CCR3: variants seen among roughly 807,000 people sequenced by gnomAD.
The protein encoded by CCR3 is C-C chemokine receptor type 3.
For missense variants in CCR3, 419 were observed against 437.5 expected (o/e 0.96, Z 0.38); for synonymous variants, 203 against 179.2 (o/e 1.13, Z -1.06).
intron 1 of CCR3, among the ~76,000 whole-genome samples, chr3:46,258,115 C>A (rs1257971737): frequency 6.6e-6 from 1 of 152,220 alleles, no homozygotes; most frequent in East Asian, 1.9e-4. Flanking sequence ...ACACAGTAAT[C>A]TCTGGAAACA....
chr3:46,261,930 T>C (rs1378974811), intron 1 of CCR3, among the ~76,000 whole-genome samples: 1 of 152,180 alleles, frequency 6.6e-6, no homozygotes, highest in Non-Finnish European at 1.5e-5. Flanking sequence ...CTCATGAGTA[T>C]ATTAGCTACA....
At chr3:46,212,537 TCCC>T in intron 2 of CCR3, among the ~76,000 whole-genome samples, 1 of 148,008 alleles carries the variant, frequency 6.8e-6, no homozygotes, top group South Asian at 2.2e-4. Context: ...TCTTTCCACC[TCCC>T]CTCCTCACTG....
Position 46,265,715 on chromosome 3 carries a change from T to A in CCR3, c.557T>A (p.Leu186His). The A allele has an allele frequency of 6.2e-7, 1 of 1,613,980 alleles. No individual in the cohort carries two copies. ...ELFEETLCSA[L>H]YPEDTVYSWR... Reference sequence around the variant, plus strand: ...TTTGAAGAGACTCTTTGCAGTGCTCTTTACCCAGAGGATACAGTATATAGC... The same window carrying A: ...TTTGAAGAGACTCTTTGCAGTGCTCATTACCCAGAGGATACAGTATATAGC... The change falls in exon 2 of 2, where the codon CTT (leucine) becomes CAT (histidine). Residue 186 changes from leucine to histidine, a missense_variant. Coordinates refer to ENST00000395940, the MANE Select transcript of CCR3 (RefSeq NM_178329.3).
chr3:46,259,011 T>C (rs1023168725), intron 1 of CCR3, among the ~76,000 whole-genome samples: 1 of 152,228 alleles, frequency 6.6e-6, no homozygotes, highest in Admixed American at 6.5e-5. Flanking sequence ...TGTTTCACTC[T>C]AATAGATTTT....
intron 2 of CCR3, among the ~76,000 whole-genome samples, chr3:46,230,429 C>T (rs1699949225): frequency 6.6e-6 from 1 of 152,074 alleles, no homozygotes; most frequent in African/African-American, 2.4e-5. Context: ...TATGTAACCC[C>T]TCATGCCACA....
chr3:46,221,781 C>T lies in CCR3; in HGVS notation c.-68+10874C>T, dbSNP rs74376125. On this transcript the variant is annotated intron_variant, in intron 2 of 3. Coordinates refer to the CCR3 transcript ENST00000357422. ...TTGTTGAAATGCACATTCACTTCTT[C>T]CAAAGGATCATCCTGTGTTCTTTTG... is the stretch of plus-strand genomic sequence containing the variant. 9.1e-3 allele frequency among the ~76,000 whole-genome samples: 1,384 copies of T among 152,302 alleles called. 14 individuals are homozygous for T. Among genetic ancestry groups the T allele is most frequent in the African/African-American group, 0.032 (1,309 of 41,554 alleles).
At chr3:46,218,034 T>A (rs1009526609) in intron 2 of CCR3, among the ~76,000 whole-genome samples, 1 of 150,832 alleles carries the variant, frequency 6.6e-6, no homozygotes, top group Non-Finnish European at 1.5e-5. Flanking sequence ...AAAAAGTTGG[T>A]TCTTTGAAAA....
At chr3:46,231,356 T>C (rs1176495285) in intron 2 of CCR3, among the ~76,000 whole-genome samples, 1 of 152,250 alleles carries the variant, frequency 6.6e-6, no homozygotes, top group East Asian at 1.9e-4. Flanking sequence ...CTGCAGTTTA[T>C]AGAAGGCTCC....
At position 46,220,923 on chromosome 3, in the gene CCR3, G is replaced by A. The variant is rs114966011; in HGVS notation, c.-68+10016G>A. Among the ~76,000 whole-genome samples the A allele has an allele frequency of 5.9e-3, 903 of 152,094 alleles. 12 individuals carry two copies. Among genetic ancestry groups the A allele is most frequent in the African/African-American group, 0.02 (833 of 41,482 alleles). ...CAGTGTACACTGCTTAGGTGATGGG[G>A]GTACCAAAATCTCAGAAATCACACC... On this transcript the variant is annotated intron_variant, in intron 2 of 3. Coordinates refer to the CCR3 transcript ENST00000357422.
upstream of CCR3, among the ~76,000 whole-genome samples, chr3:46,238,848 TATGGC>T (rs1195970058): frequency 1.3e-5 from 2 of 152,222 alleles, no homozygotes; most frequent in East Asian, 3.8e-4. Context: ...CAGGAGTAGA[TATGGC>T]ATGATGCCAT....
In CCR3 at chr3:46,256,681, CATAA is replaced by C. The variant is rs760941475; in HGVS notation, c.-11-8460_-11-8457del. ...AAATAAATAGTGTCAAAATTTTATT[CATAA>C]ATAAATTGCGTAAAAAATCACAATG... On this transcript the variant is annotated intron_variant, in intron 1 of 1. Coordinates refer to ENST00000395940, the MANE Select transcript of CCR3 (RefSeq NM_178329.3). 1.1e-4 allele frequency among the ~76,000 whole-genome samples: 16 copies of C among 152,148 alleles called. 1 individual carries two copies. The highest frequency in any genetic ancestry group is 3.4e-3 in the Middle Eastern group (1 of 294).
At chr3:46,227,969 C>T (rs1186315845) in intron 2 of CCR3, among the ~76,000 whole-genome samples, 4 of 151,814 alleles carry the variant, frequency 2.6e-5, no homozygotes, top group Non-Finnish European at 4.4e-5. Flanking sequence ...AAAGTGTATT[C>T]GTTGTGAAGG....
At chr3:46,231,617 A>C (rs1171227737) in intron 2 of CCR3, among the ~76,000 whole-genome samples, 1 of 152,190 alleles carries the variant, frequency 6.6e-6, no homozygotes, top group Non-Finnish European at 1.5e-5. Context: ...AAGAGGGTAG[A>C]TCTTACGTTA....
At chr3:46,234,725 T>G (rs978181235) in intron 2 of CCR3, among the ~76,000 whole-genome samples, 4 of 152,200 alleles carry the variant, frequency 2.6e-5, no homozygotes, top group Admixed American at 6.5e-5. Context: ...TGTCGATAAT[T>G]TATCCCAAAT....
chr3:46,257,802 G>T (rs985558624), intron 1 of CCR3, among the ~76,000 whole-genome samples: 2 of 152,170 alleles, frequency 1.3e-5, no homozygotes, highest in South Asian at 2.1e-4. Context: ...ACAAGCTGGA[G>T]ACCCTGGAAT....
At chr3:46,229,915 G>A (rs903580611) in intron 2 of CCR3, among the ~76,000 whole-genome samples, 34 of 152,272 alleles carry the variant, frequency 2.2e-4, no homozygotes, top group African/African-American at 7.7e-4. Flanking sequence ...AAGTAAGAGC[G>A]TGGTCCCAGG....
intron 1 of CCR3, chr3:46,264,256 T>C (rs911401493): frequency 5.8e-6 from 4 of 689,580 alleles, no homozygotes; most frequent in African/African-American, 5.4e-5. Flanking sequence ...TTACCAGGCC[T>C]AACTCAGCAT....
At chr3:46,214,271 C>G (rs1049661617) in intron 2 of CCR3, among the ~76,000 whole-genome samples, 6 of 152,160 alleles carry the variant, frequency 3.9e-5, no homozygotes, top group African/African-American at 1.4e-4. Flanking sequence ...CCACCTCTCA[C>G]CTCCCCTGCT....
chr3:46,227,115 G>A (rs1050175478), intron 2 of CCR3, among the ~76,000 whole-genome samples: 4 of 151,710 alleles, frequency 2.6e-5, no homozygotes, highest in Non-Finnish European at 4.4e-5. Context: ...CCTGACCTCA[G>A]GTAATCCCAG....
Sources: allele counts gnomAD v4.1 joint callset (sites outside exome capture counted in the v4.1 genomes callset), GRCh38; gene constraint gnomAD v4.1.1; transcripts MANE v1.5; gene names NCBI Gene and HGNC (gene_info 2026-07-23, HGNC 2026-07-21).